PIK3CD: variants seen among roughly 807,000 people sequenced by gnomAD.
PIK3CD encodes the protein phosphatidylinositol-4,5-bisphosphate 3-kinase catalytic subunit delta.
PIK3CD carries 20 observed loss-of-function variants against 122.9 expected under a neutral mutation model. That is an observed-to-expected ratio of 0.16 (90% CI 0.11 to 0.24). The LOEUF (loss-of-function observed/expected upper bound fraction) is 0.24, where lower values mean the gene tolerates loss of function less well. Ranked by LOEUF, PIK3CD falls within the 10% of genes least tolerant of loss-of-function variation. The probability of loss-of-function intolerance (pLI) is 1.00; values close to 1 mark genes in which losing one functional copy is unlikely to be tolerated. For synonymous variants in PIK3CD, 596 were observed against 593.4 expected (o/e 1.00, Z -0.06); for missense variants, 787 against 1,406.3 (o/e 0.56, Z 7.04).
rs115808092 is a variant in PIK3CD, at chr1:9,721,447, C to T, written c.1815C>T (p.Asp605=). ...FAIKSLRKLT[D]DELFQYLLQL... is the part of the protein sequence containing the mutation. ...CCAGCGCCTTCCTTCCCTGCAGGGA[C>T]GATGAGCTGTTCCAGTACCTGCTGC... Residue 605 remains aspartate, a synonymous_variant, in exon 15 of 24, where the codon GAC becomes GAT. Transcript: ENST00000377346. 1.6e-4 allele frequency: 262 copies of T among 1,613,508 alleles called. No individual in the cohort carries two copies. The African/African-American group carries it at 3.0e-3, about 18-fold the overall frequency.
chr1:9,660,709 C>T (rs1338560885), intron 1 of PIK3CD: 2 of 152,170 alleles, frequency 1.3e-5, no homozygotes, highest in Admixed American at 1.3e-4. Flanking sequence ...GCTGAGCCAC[C>T]CCTTCATGCC....
At chr1:9,645,374 A>G in the PIK3CD span, among the ~76,000 whole-genome samples, 1 of 152,224 alleles carries the variant, frequency 6.6e-6, no homozygotes, top group Admixed American at 6.6e-5. Flanking sequence ...AGAGAGGGTC[A>G]TGATAAGTCC....
At chr1:9,666,073 C>T (rs904725864) in intron 1 of PIK3CD, among the ~76,000 whole-genome samples, 7 of 151,808 alleles carry the variant, frequency 4.6e-5, no homozygotes, top group Admixed American at 1.3e-4. Flanking sequence ...ATTACAGGCG[C>T]CCGCCATCAT....
rs146078450 is a variant in PIK3CD at position 9,682,129 on chromosome 1, G to T, written c.-137-9338G>T. 7.9e-3 allele frequency among the ~76,000 whole-genome samples: 1,196 copies of T among 152,162 alleles called. 36 individuals are homozygous for T. The highest frequency in any genetic ancestry group is 0.049 in the Admixed American group (750 of 15,276). ...GTAGAAATAGGGTTTTGCCACGTTG[G>T]CCAGGCTGGTCTCCAACTCCTGAGC... is the stretch of plus-strand genomic sequence containing the variant. On this transcript the variant is annotated intron_variant, in intron 1 of 23. Transcript: ENST00000377346.
intron 1 of PIK3CD, among the ~76,000 whole-genome samples, chr1:9,683,762 G>T (rs1374922340): frequency 6.6e-6 from 1 of 152,196 alleles, no homozygotes; most frequent in African/African-American, 2.4e-5. Context: ...AATTCCGACA[G>T]AGCTCAGCAG....
At chr1:9,646,106 G>A in the PIK3CD span, among the ~76,000 whole-genome samples, 1 of 151,924 alleles carries the variant, frequency 6.6e-6, no homozygotes, top group Non-Finnish European at 1.5e-5. Context: ...GGCCTAACGA[G>A]ACCCATGGCA....
chr1:9,718,292 A>G lies in PIK3CD; in HGVS notation c.1021-402A>G. ...GGTGGTGGTGTCAGGTGGAATTGGA[A>G]GGGGCCGGACATCAGGTGGCAGGAA... On this transcript the variant is annotated intron_variant, in intron 8 of 23. Transcript: ENST00000377346. This position sits in a 1 kb window ranked among gnomAD's most constrained non-coding sequence, Gnocchi z 7.2. 1 of 461,848 alleles carries G rather than the reference A, an allele frequency of 2.2e-6. No homozygotes were observed. The highest frequency in any genetic ancestry group is 1.6e-5 in the South Asian group (1 of 61,654). The allele number at this position is 461,848 out of a possible 1,614,324, so 28.6% of individuals were successfully genotyped here.
At chr1:9,688,730 G>T (rs564867444) in intron 1 of PIK3CD, among the ~76,000 whole-genome samples, 1 of 152,074 alleles carries the variant, frequency 6.6e-6, no homozygotes, top group Non-Finnish European at 1.5e-5. Context: ...CGGGAGGCTG[G>T]GGTGAGAGGA....
chr1:9,709,334 G>A (rs1646961343), intron 2 of PIK3CD, among the ~76,000 whole-genome samples: 1 of 152,042 alleles, frequency 6.6e-6, no homozygotes, highest in Non-Finnish European at 1.5e-5. Flanking sequence ...GTGAGCCACT[G>A]CACCCGGCCT....
chr1:9,722,653 T>G lies in PIK3CD; in HGVS notation c.2426+47T>G, dbSNP rs1396339107. The G allele has an allele frequency of 1.3e-6, 2 of 1,487,172 alleles. No individual in the cohort carries two copies. The highest frequency in any genetic ancestry group is 1.1e-5 in the South Asian group (1 of 88,268). The allele number at this position is 1,487,172 out of a possible 1,614,324, so 92.1% of individuals were successfully genotyped here. ...CGTCCCTTGGTGTCTGTGCCCAGCCTGGGAGTCTGTGCCCCTGGAGGGGTC... is the reference window on the plus strand; with the variant it reads ...CGTCCCTTGGTGTCTGTGCCCAGCCGGGGAGTCTGTGCCCCTGGAGGGGTC... On this transcript the variant is annotated intron_variant, in intron 19 of 23. Coordinates refer to ENST00000377346, the MANE Select transcript of PIK3CD (RefSeq NM_005026.5). The surrounding 1 kb of genome is among the most constrained non-coding windows in gnomAD (Gnocchi z 7.6).
At chr1:9,716,680 G>A (rs889599036) in intron 6 of PIK3CD, 61 bp downstream of exon 6, 4 of 1,498,416 alleles carry the variant, frequency 2.7e-6, no homozygotes, top group Non-Finnish European at 3.6e-6. Context: ...GGCCTGGGTG[G>A]GAGTCGGGGA....
In PIK3CD at chr1:9,728,224, G is replaced by A. The variant is rs574008520; in HGVS notation, c.*1178G>A. The A allele has an allele frequency of 1.3e-5, 2 of 152,432 alleles. No individual in the cohort carries two copies. Among genetic ancestry groups the A allele is most frequent in the Admixed American group, 1.3e-4 (2 of 15,300 alleles). 9.4% of individuals were successfully genotyped at this position (152,432 alleles called of 1,614,324 possible). ...GTGAGAGTGCTGAGGTACCAGAAGT[G>A]TGAGAACGAGGGGGCGTGCTGGGAT... On this transcript the variant is annotated 3_prime_UTR_variant, in exon 24 of 24. Coordinates refer to ENST00000377346, the MANE Select transcript of PIK3CD (RefSeq NM_005026.5).
intron 2 of PIK3CD, among the ~76,000 whole-genome samples, chr1:9,693,179 AC>A (rs1156459530): frequency 6.6e-6 from 1 of 151,564 alleles, no homozygotes; most frequent in Non-Finnish European, 1.5e-5. Flanking sequence ...CCTCCCCCAA[AC>A]CCCTCAGAGA....
At position 9,720,287 on chromosome 1, in the gene PIK3CD, G is replaced by A. The variant is rs764996695; in HGVS notation, c.1470+45G>A. 6.3e-7 allele frequency: 1 copy of A among 1,580,682 alleles called. No homozygotes were observed. The highest frequency in any genetic ancestry group is 1.1e-5 in the South Asian group (1 of 87,454). ...CGTGAGGCTGAGGGGCTGGCGCGGA[G>A]CTCTCCTGGCCCTGCTCCTGGAGCT... On this transcript the variant is annotated intron_variant, in intron 11 of 23. Transcript: ENST00000377346. The surrounding 1 kb of genome is among the most constrained non-coding windows in gnomAD (Gnocchi z 9.0).
chr1:9,702,500 C>CCTTTTTTTTTTTTTTTTTTTTTT (rs1646675709), intron 2 of PIK3CD, among the ~76,000 whole-genome samples: 1 of 25,804 alleles, frequency 3.9e-5, no homozygotes, highest in Non-Finnish European at 1.0e-4. Flanking sequence ...AAGAACTTTC[C>CCTTTTTTTTTTTTTTTTTTTTTT]TTTTTTTTTT....
At chr1:9,701,968 C>T (rs1034423818) in intron 2 of PIK3CD, among the ~76,000 whole-genome samples, 3 of 151,678 alleles carry the variant, frequency 2.0e-5, no homozygotes, top group Non-Finnish European at 2.9e-5. Context: ...CTGCCAGGCC[C>T]TGTCTGTAGC....
At chr1:9,634,297 G>T in the PIK3CD span, among the ~76,000 whole-genome samples, 1 of 152,046 alleles carries the variant, frequency 6.6e-6, no homozygotes, top group Non-Finnish European at 1.5e-5. Context: ...GAGTAGCTGG[G>T]ATTACAGGCG....
At chr1:9,695,736 G>GCA (rs1489963260) in intron 2 of PIK3CD, among the ~76,000 whole-genome samples, 10 of 151,828 alleles carry the variant, frequency 6.6e-5, no homozygotes, top group Non-Finnish European at 1.0e-4. Flanking sequence ...CAGCTACTTG[G>GCA]GAGGCTGAGG....
rs755291454 is a variant in PIK3CD, at chr1:9,654,429, G to A, written c.-138+2627G>A. ...GCTAAGAACAGGGCAGGCAGACTGGGAGGGCATCAGCCCCTGGGGGGCTTA... is the reference window on the plus strand; with the variant it reads ...GCTAAGAACAGGGCAGGCAGACTGGAAGGGCATCAGCCCCTGGGGGGCTTA... On this transcript the variant is annotated intron_variant, in intron 1 of 23. Transcript: ENST00000377346. 5 of 1,367,212 alleles carry A rather than the reference G, an allele frequency of 3.7e-6. No individual in the cohort carries two copies. The South Asian group carries it at 4.5e-5, about 12-fold the overall frequency. 84.7% of individuals were successfully genotyped at this position (1,367,212 alleles called of 1,614,324 possible).
Sources: gnomAD v4.1 joint callset for allele counts (sites outside exome capture counted in the v4.1 genomes callset) on GRCh38, gnomAD v4.1.1 for gene constraint, Gnocchi (gnomAD v3.1) non-coding constraint, MANE v1.5 for transcripts, NCBI Gene and HGNC (gene_info 2026-07-23, HGNC 2026-07-21) for gene names.